Variants in SGCZ observed in about 807,000 individuals in gnomAD.
The protein encoded by SGCZ is zeta-sarcoglycan.
SGCZ carries 40 observed loss-of-function variants against 41.3 expected under a neutral mutation model. The observed-to-expected ratio is 0.97, with a 90% CI of 0.75 to 1.26. The LOEUF is 1.26. SGCZ is among the 50% of genes most tolerant of loss of function. SGCZ has a pLI of 0.00. For missense variants in SGCZ, 552 were observed against 369.8 expected (o/e 1.49, Z -4.04); for synonymous variants, 206 against 137.5 (o/e 1.50, Z -3.49).
At chr8:14,747,469 A>G (rs1241131135) in intron 1 of SGCZ, among the ~76,000 whole-genome samples, 1 of 152,158 alleles carries the variant, frequency 6.6e-6, no homozygotes, top group African/African-American at 2.4e-5. Flanking sequence ...ATTCTAACAC[A>G]TATACTTATA....
At chr8:14,482,112 A>G (rs2117007050) in intron 2 of SGCZ, among the ~76,000 whole-genome samples, 1 of 152,276 alleles carries the variant, frequency 6.6e-6, no homozygotes, top group African/African-American at 2.4e-5. Flanking sequence ...AGCTCCAAAA[A>G]TCAACATAGT....
chr8:15,160,829 T>C (rs1046770662), intron 1 of SGCZ, among the ~76,000 whole-genome samples: 12 of 152,186 alleles, frequency 7.9e-5, no homozygotes, highest in African/African-American at 2.9e-4. Flanking sequence ...CCACCGTCTA[T>C]GCCTCCATTC....
intron 1 of SGCZ, among the ~76,000 whole-genome samples, chr8:15,132,569 G>A (rs2116976692): frequency 6.6e-6 from 1 of 152,234 alleles, no homozygotes; most frequent in Admixed American, 6.5e-5. Flanking sequence ...GCTAATTTTG[G>A]GAGTACTGTG....
chr8:14,886,964 G>A (rs1804831040), intron 1 of SGCZ, among the ~76,000 whole-genome samples: 1 of 152,104 alleles, frequency 6.6e-6, no homozygotes, highest in Admixed American at 6.5e-5. Context: ...ATTACAGTGG[G>A]GGGTAAGAGA....
chr8:14,133,007 T>TA (rs758160042), intron 5 of SGCZ, among the ~76,000 whole-genome samples: 9 of 151,762 alleles, frequency 5.9e-5, no homozygotes, highest in Admixed American at 2.0e-4. Flanking sequence ...GCTGTAACAA[T>TA]AAAAAAAACA....
At chr8:15,142,915 T>C (rs1372922007) in intron 1 of SGCZ, among the ~76,000 whole-genome samples, 1 of 152,138 alleles carries the variant, frequency 6.6e-6, no homozygotes, top group Non-Finnish European at 1.5e-5. Context: ...CAGCCAAAAA[T>C]GCTACTTTAA....
chr8:14,254,578 T>C (rs1799398069), intron 3 of SGCZ, among the ~76,000 whole-genome samples: 2 of 152,248 alleles, frequency 1.3e-5, no homozygotes, highest in Admixed American at 1.3e-4. Context: ...TCCTCTAAAT[T>C]GTTTCATTTC....
chr8:14,447,289 A>G (rs1800460257), intron 2 of SGCZ, among the ~76,000 whole-genome samples: 1 of 152,154 alleles, frequency 6.6e-6, no homozygotes, highest in African/African-American at 2.4e-5. Flanking sequence ...AGTTGCTGGG[A>G]TTTCCATGGT....
chr8:14,707,040 T>G (rs1048326235), intron 1 of SGCZ, among the ~76,000 whole-genome samples: 23 of 151,774 alleles, frequency 1.5e-4, no homozygotes, highest in African/African-American at 4.8e-4. Flanking sequence ...TTTTAAAATT[T>G]TATTATTATT....
chr8:14,914,636 GAGAA>G (rs1799374286), intron 1 of SGCZ, among the ~76,000 whole-genome samples: 2 of 152,086 alleles, frequency 1.3e-5, no homozygotes, highest in South Asian at 4.1e-4. Flanking sequence ...GATCTAAATG[GAGAA>G]ACATAAAATA....
At chr8:14,405,566 G>A (rs1209789479) in intron 2 of SGCZ, among the ~76,000 whole-genome samples, 2 of 151,734 alleles carry the variant, frequency 1.3e-5, no homozygotes, top group African/African-American at 4.9e-5. Context: ...CAAGAATTAT[G>A]CTTGCCTATG....
At chr8:14,760,637 C>G (rs1563251399) in intron 1 of SGCZ, among the ~76,000 whole-genome samples, 1 of 152,164 alleles carries the variant, frequency 6.6e-6, no homozygotes, top group Non-Finnish European at 1.5e-5. Flanking sequence ...AAATTTACCT[C>G]TGCAGCTAAT....
intron 3 of SGCZ, chr8:14,309,170 A>C: frequency 6.8e-7 from 1 of 1,479,526 alleles, no homozygotes; most frequent in South Asian, 1.1e-5. Context: ...TAAAAACGAA[A>C]AAAGCAAAAC....
At chr8:14,745,474 T>G (rs1445924510) in intron 1 of SGCZ, among the ~76,000 whole-genome samples, 3 of 152,090 alleles carry the variant, frequency 2.0e-5, no homozygotes, top group African/African-American at 7.2e-5. Context: ...TCCCATCTAC[T>G]CTGGAGGTTG....
At chr8:15,177,691 T>C (rs1315198034) in intron 1 of SGCZ, among the ~76,000 whole-genome samples, 1 of 152,174 alleles carries the variant, frequency 6.6e-6, no homozygotes, top group Non-Finnish European at 1.5e-5. Flanking sequence ...GTGATCTAAA[T>C]TTAAGTTAAG....
chr8:15,035,757 T>C (rs1387967410), intron 1 of SGCZ, among the ~76,000 whole-genome samples: 1 of 152,030 alleles, frequency 6.6e-6, no homozygotes, highest in East Asian at 1.9e-4. Flanking sequence ...TACACAATAA[T>C]AAAGGGATCA....
intron 1 of SGCZ, among the ~76,000 whole-genome samples, chr8:14,647,312 C>T (rs1046703194): frequency 6.6e-6 from 1 of 151,850 alleles, no homozygotes; most frequent in Non-Finnish European, 1.5e-5. Context: ...CATTGCTTTA[C>T]TGATATATCA....
At chr8:14,896,044 C>G (rs1485056839) in intron 1 of SGCZ, among the ~76,000 whole-genome samples, 1 of 152,108 alleles carries the variant, frequency 6.6e-6, no homozygotes, top group Non-Finnish European at 1.5e-5. Flanking sequence ...TTGGACCAGC[C>G]CATGCTTGCT....
At chr8:15,070,295 T>C (rs907736733) in intron 1 of SGCZ, among the ~76,000 whole-genome samples, 1 of 152,180 alleles carries the variant, frequency 6.6e-6, no homozygotes, top group Non-Finnish European at 1.5e-5. Context: ...GAGAGCTCAT[T>C]TTTAAGGTTC....
Sources: gnomAD v4.1 joint callset for allele counts (sites outside exome capture counted in the v4.1 genomes callset) on GRCh38, gnomAD v4.1.1 for gene constraint, MANE v1.5 for transcripts, NCBI Gene and HGNC (gene_info 2026-07-23, HGNC 2026-07-21) for gene names.